The following GRIK2 variants were observed in gnomAD, a reference collection of about 807,000 sequenced individuals.
GRIK2 encodes glutamate receptor ionotropic, kainate 2.
A neutral mutation model predicts 100.3 loss-of-function variants in GRIK2; 32 were observed. The ratio of observed to expected loss-of-function variants is 0.32; its 90% confidence interval spans 0.24 to 0.43. GRIK2 has a LOEUF of 0.43. GRIK2 is among the 20% of genes least tolerant of loss of function. The pLI, the probability that GRIK2 is intolerant of heterozygous loss-of-function variation, is 1.00. For synonymous variants in GRIK2, 417 were observed against 389.4 expected, an observed-to-expected ratio of 1.07 and a Z score of -0.83; for missense variants, 843 against 1,114.9, an observed-to-expected ratio of 0.76 and a Z score of 3.47.
intron 2 of GRIK2, among the ~76,000 whole-genome samples, chr6:101,567,086 T>C (rs1416057211): frequency 6.6e-6 from 1 of 151,698 alleles, no homozygotes; most frequent in Non-Finnish European, 1.5e-5. Context: ...GTATCATCAA[T>C]ATAAAGGTCA....
intron 14 of GRIK2, among the ~76,000 whole-genome samples, chr6:102,007,692 GT>G (rs1431987358): frequency 6.6e-6 from 1 of 152,020 alleles, no homozygotes; most frequent in Non-Finnish European, 1.5e-5. Flanking sequence ...GTGGAGGAAA[GT>G]AAAAAAGGGT....
chr6:101,947,170 A>T (rs1791332162), intron 14 of GRIK2, among the ~76,000 whole-genome samples: 1 of 152,152 alleles, frequency 6.6e-6, no homozygotes, highest in African/African-American at 2.4e-5. Context: ...AAATGAATGA[A>T]ATTGTCTTGA....
At chr6:101,860,278 G>A (rs944780663) in intron 11 of GRIK2, among the ~76,000 whole-genome samples, 3 of 152,104 alleles carry the variant, frequency 2.0e-5, no homozygotes, top group African/African-American at 7.2e-5. Flanking sequence ...ATTCAGACAG[G>A]TTGGGAAGCA....
At chr6:101,961,039 A>G (rs1792264653) in intron 14 of GRIK2, among the ~76,000 whole-genome samples, 1 of 152,090 alleles carries the variant, frequency 6.6e-6, no homozygotes, top group Admixed American at 6.5e-5. Context: ...CCTTGACTGG[A>G]GTGACAGGGA....
chr6:101,453,517 G>T (rs1770826510), intron 2 of GRIK2, among the ~76,000 whole-genome samples: 1 of 151,916 alleles, frequency 6.6e-6, no homozygotes. Flanking sequence ...TTTAAGATTT[G>T]CAGACGTGTT....
intron 10 of GRIK2, among the ~76,000 whole-genome samples, chr6:101,858,336 A>AGCACTTG (rs981894279): frequency 1.3e-5 from 2 of 150,918 alleles, no homozygotes; most frequent in African/African-American, 2.4e-5. Flanking sequence ...TGAATGCATA[A>AGCACTTG]GCACTTGATA....
chr6:101,874,978 C>T (rs1158701897), intron 11 of GRIK2, among the ~76,000 whole-genome samples: 1 of 152,096 alleles, frequency 6.6e-6, no homozygotes, highest in African/African-American at 2.4e-5. Flanking sequence ...AGTTGCTTAA[C>T]AGCTTAAGGA....
chr6:101,406,055 G>C (rs1048046491), intron 2 of GRIK2, among the ~76,000 whole-genome samples: 3 of 152,038 alleles, frequency 2.0e-5, no homozygotes, highest in African/African-American at 7.2e-5. Context: ...ACATCTCTTT[G>C]ATCACCAAAT....
chr6:101,633,505 TA>T, intron 4 of GRIK2, among the ~76,000 whole-genome samples: 1 of 152,230 alleles, frequency 6.6e-6, no homozygotes, highest in African/African-American at 2.4e-5. Context: ...AGAGGAAACA[TA>T]ACAAGAATTT....
intron 7 of GRIK2, among the ~76,000 whole-genome samples, chr6:101,778,948 A>G (rs1778910364): frequency 6.6e-6 from 1 of 152,138 alleles, no homozygotes; most frequent in African/African-American, 2.4e-5. Flanking sequence ...ATGAAATCTA[A>G]GCACATATAA....
intron 2 of GRIK2, among the ~76,000 whole-genome samples, chr6:101,500,166 A>AT (rs1458857094): frequency 1.3e-5 from 2 of 152,142 alleles, no homozygotes; most frequent in Non-Finnish European, 2.9e-5. Context: ...GTTCTATCTT[A>AT]TATCAAAATG....
At chr6:101,846,554 C>T (rs1298216822) in intron 10 of GRIK2, among the ~76,000 whole-genome samples, 1 of 151,890 alleles carries the variant, frequency 6.6e-6, no homozygotes, top group African/African-American at 2.4e-5. Context: ...GGTGTTCCCT[C>T]CTGTTTTATT....
chr6:101,524,516 G>C (rs921587349), intron 2 of GRIK2, among the ~76,000 whole-genome samples: 1 of 151,976 alleles, frequency 6.6e-6, no homozygotes, highest in Non-Finnish European at 1.5e-5. Context: ...TTCACTCTCT[G>C]TCTTTCTCCT....
intron 14 of GRIK2, among the ~76,000 whole-genome samples, chr6:101,969,234 A>G (rs1792885403): frequency 6.6e-6 from 1 of 152,010 alleles, no homozygotes; most frequent in Non-Finnish European, 1.5e-5. Context: ...TATTGTATTA[A>G]TATTCTACAC....
chr6:101,955,062 G>T (rs963796665), intron 14 of GRIK2, among the ~76,000 whole-genome samples: 1 of 151,900 alleles, frequency 6.6e-6, no homozygotes, highest in Non-Finnish European at 1.5e-5. Context: ...CTTGGTCTTG[G>T]TGTATAATTA....
At chr6:101,475,456 CTCTAAT>C (rs1438850731) in intron 2 of GRIK2, among the ~76,000 whole-genome samples, 1 of 151,926 alleles carries the variant, frequency 6.6e-6, no homozygotes, top group Admixed American at 6.6e-5. Context: ...GTTTAGTACA[CTCTAAT>C]TTTCAGCCAG....
chr6:101,746,330 A>G (rs1304837226), intron 7 of GRIK2, among the ~76,000 whole-genome samples: 2 of 152,042 alleles, frequency 1.3e-5, no homozygotes, highest in Non-Finnish European at 1.5e-5. Flanking sequence ...ACCTTCAAAT[A>G]TTTTATTTAT....
chr6:101,858,535 C>T (rs1225275447), intron 10 of GRIK2, among the ~76,000 whole-genome samples: 2 of 150,516 alleles, frequency 1.3e-5, no homozygotes, highest in African/African-American at 5.0e-5. Context: ...TACAGGCGCC[C>T]GCCACTACGC....
At chr6:101,865,189 G>A (rs1384234927) in intron 11 of GRIK2, among the ~76,000 whole-genome samples, 2 of 152,186 alleles carry the variant, frequency 1.3e-5, no homozygotes, top group Admixed American at 1.3e-4. Flanking sequence ...AGTAAAATGG[G>A]AAGTCTGTTG....
Sources: allele counts gnomAD v4.1 joint callset (sites outside exome capture counted in the v4.1 genomes callset), GRCh38; gene constraint gnomAD v4.1.1; transcripts MANE v1.5; gene names NCBI Gene and HGNC (gene_info 2026-07-23, HGNC 2026-07-21).